Variants in HOXB3 observed in about 807,000 individuals in gnomAD.
HOXB3 encodes the protein homeobox protein Hox-B3.
Under a neutral mutation model 29.2 loss-of-function variants are expected in HOXB3, and 17 were observed. The observed-to-expected ratio is 0.58, with a 90% confidence interval of 0.40 to 0.87. The LOEUF (loss-of-function observed/expected upper bound fraction) is 0.87, where lower values mean the gene tolerates loss of function less well. Among genes scored for constraint, HOXB3 ranks in the 40% least tolerant of loss-of-function variants. The probability of loss-of-function intolerance (pLI) is 0.00; values close to 1 mark genes in which losing one functional copy is unlikely to be tolerated. For synonymous variants in HOXB3, 317 were observed against 285.9 expected (o/e 1.11, Z -1.10); for missense variants, 637 against 616.3 (o/e 1.03, Z -0.35).
intron 2 of HOXB3, among the ~76,000 whole-genome samples, chr17:48,562,063 C>T (rs1213806284): frequency 1.3e-5 from 2 of 152,188 alleles, no homozygotes; most frequent in Non-Finnish European, 2.9e-5. Flanking sequence ...CTGGCCCTCC[C>T]TTGCCCCATA....
In HOXB3 at chr17:48,554,484, A is replaced by G; in HGVS notation, c.-159+1047T>C. On this transcript the variant is annotated intron_variant, in intron 3 of 4. Coordinates refer to ENST00000498678, the MANE Select transcript of HOXB3 (RefSeq NM_001384749.1). This position sits in a 1 kb window ranked among gnomAD's most constrained non-coding sequence, Gnocchi z 4.1. ...AGTGTGGAAAGCGAAGGAGCCAGAGACGCGATAGGAAAGAATGGAGACTCC... is the reference window on the plus strand; with the variant it reads ...AGTGTGGAAAGCGAAGGAGCCAGAGGCGCGATAGGAAAGAATGGAGACTCC... The G allele has an allele frequency of 1.6e-6, 1 of 608,786 alleles. No homozygotes were observed. Among genetic ancestry groups the G allele is most frequent in the Non-Finnish European group, 2.9e-6 (1 of 341,762 alleles). 37.7% of individuals were successfully genotyped at this position (608,786 alleles called of 1,614,324 possible).
chr17:48,574,206 T>C (rs1381133012), intron 1 of HOXB3, 192 bp from the exon 2 acceptor site: 2 of 242,470 alleles, frequency 8.2e-6, no homozygotes, highest in African/African-American at 4.6e-5. Flanking sequence ...TTTGGTTCTT[T>C]AGAGACATTC....
chr17:48,578,149 G>T (rs752291944), intron 1 of HOXB3: 1 of 1,583,888 alleles, frequency 6.3e-7, no homozygotes, highest in South Asian at 1.1e-5. Flanking sequence ...TGCACGCCGC[G>T]CGCCGCCCGA....
chr17:48,562,340 C>T (rs2069227689), intron 2 of HOXB3, among the ~76,000 whole-genome samples: 1 of 151,958 alleles, frequency 6.6e-6, no homozygotes, highest in Middle Eastern at 3.2e-3. Context: ...CAGTTGGAGA[C>T]AAGCATTCCC....
At chr17:48,555,837 G>A (rs1436369839) in intron 2 of HOXB3, among the ~76,000 whole-genome samples, 1 of 152,174 alleles carries the variant, frequency 6.6e-6, no homozygotes, top group Non-Finnish European at 1.5e-5. Context: ...GAAAGGTGCC[G>A]GGCGGCTCAG....
chr17:48,577,066 C>A lies in HOXB3; in HGVS notation c.-424-3052G>T, dbSNP rs750126056. Reference sequence around the variant, plus strand: ...GGAGAAAGAGAAAGTTTTATTGCCCCCGAAAGAGAGAGTCCTTTCTTCCAG... The same window carrying A: ...GGAGAAAGAGAAAGTTTTATTGCCCACGAAAGAGAGAGTCCTTTCTTCCAG... On this transcript the variant is annotated intron_variant, in intron 1 of 4. Coordinates refer to ENST00000498678, the MANE Select transcript of HOXB3 (RefSeq NM_001384749.1). 3.3e-6 allele frequency: 5 copies of A among 1,504,940 alleles called. No homozygotes were observed. In the Admixed American group the frequency reaches 1.1e-4, roughly 32 times the overall value. The allele number at this position is 1,504,940 out of a possible 1,614,324, so 93.2% of individuals were successfully genotyped here. A position where few individuals can be genotyped will look rare whatever the true frequency, so the allele number is the denominator to read the frequency against.
At chr17:48,579,513 G>C (rs1396612414) in intron 1 of HOXB3, 2 of 152,678 alleles carry the variant, frequency 1.3e-5, no homozygotes, top group African/African-American at 4.8e-5. Flanking sequence ...GCACACTGAA[G>C]ACAAGTCATT....
At position 48,551,156 on chromosome 17, in the gene HOXB3, A is replaced by G. The variant is rs559346033; in HGVS notation, c.474T>C (p.Gly158=). The change falls in exon 5 of 5, where the codon GGT becomes GGC. Residue 158 remains glycine (G), a synonymous_variant. Coordinates refer to ENST00000498678, the MANE Select transcript of HOXB3 (RefSeq NM_001384749.1). ...GTAEGCGGGG[G]GGGGGGSGGS... is the part of the protein sequence containing the mutation. ...CACCACTGCCTCCGCCGCCGCCGCC[A>G]CCGCCGCCGCCACCACAGCCCTCTG... The G allele has an allele frequency of 0.01, 12,763 of 1,273,980 alleles. 60 individuals carry two copies. Among genetic ancestry groups the G allele is most frequent in the Admixed American group, 0.011 (356 of 31,048 alleles). The allele number at this position is 1,273,980 out of a possible 1,614,324, so 78.9% of individuals were successfully genotyped here.
intron 2 of HOXB3, among the ~76,000 whole-genome samples, chr17:48,570,145 G>A (rs544046587): frequency 5.3e-5 from 8 of 152,088 alleles, no homozygotes; most frequent in Admixed American, 1.3e-4. Context: ...TTAGCACCCC[G>A]AGCTTCCAAT....
chr17:48,563,938 C>G (rs1004277411), intron 2 of HOXB3, among the ~76,000 whole-genome samples: 56 of 151,750 alleles, frequency 3.7e-4, no homozygotes, highest in Non-Finnish European at 6.8e-4. Flanking sequence ...TGGGCCTCAA[C>G]GCCCTTTCTG....
rs1166702643 is a variant in HOXB3, at chr17:48,549,778, A to T, written c.*556T>A. ...TAGAGCAGAAAAACCGGGGGCTAGA[A>T]GTGTACCTCAATAAACCTCAAATGG... On this transcript the variant is annotated 3_prime_UTR_variant, in exon 5 of 5. Transcript: ENST00000498678. 1 of 158,936 alleles carries T rather than the reference A, an allele frequency of 6.3e-6. No individual in the cohort carries two copies. The highest frequency in any genetic ancestry group is 1.4e-5 in the Non-Finnish European group (1 of 71,510). The allele number at this position is 158,936 out of a possible 1,614,324, so 9.8% of individuals were successfully genotyped here.
chr17:48,587,923 GC>G (rs1342935612), intron 1 of HOXB3, among the ~76,000 whole-genome samples: 2 of 152,268 alleles, frequency 1.3e-5, no homozygotes, highest in African/African-American at 4.8e-5. Flanking sequence ...CCTGGGGCCT[GC>G]CCCAGGTTGA....
At chr17:48,584,921 G>A (rs138488005) in intron 1 of HOXB3, among the ~76,000 whole-genome samples, 4,715 of 90,828 alleles carry the variant, frequency 0.052, 156 homozygotes, top group East Asian at 0.28. Flanking sequence ...CTCCCCCACC[G>A]CCCCACCCCG....
chr17:48,587,503 G>C (rs989970447), intron 1 of HOXB3, among the ~76,000 whole-genome samples: 2 of 152,190 alleles, frequency 1.3e-5, no homozygotes, highest in African/African-American at 4.8e-5. Context: ...CTGAGTTTGG[G>C]GGGGTTGTGC....
Position 48,552,562 on chromosome 17 carries a change from A to T in HOXB3, c.-88T>A, listed in dbSNP as rs1375441568. On this transcript the variant is annotated 5_prime_UTR_variant, in exon 4 of 5. Transcript: ENST00000498678. Reference sequence around the variant, plus strand: ...CATTGGCAACCCTGGGGGTCACGTGACACGCCGGACCCCCCCCCCCCACCT... The same window carrying T: ...CATTGGCAACCCTGGGGGTCACGTGTCACGCCGGACCCCCCCCCCCCACCT... The T allele has an allele frequency of 2.3e-6, 2 of 851,218 alleles. No homozygotes were observed. The highest frequency in any genetic ancestry group is 3.4e-6 in the Non-Finnish European group (2 of 585,290). 52.7% of individuals were successfully genotyped at this position (851,218 alleles called of 1,614,324 possible). A position where few individuals can be genotyped will look rare whatever the true frequency, so the allele number is the denominator to read the frequency against.
chr17:48,583,246 C>G (rs1045593386), intron 1 of HOXB3, among the ~76,000 whole-genome samples: 1 of 152,192 alleles, frequency 6.6e-6, no homozygotes, highest in African/African-American at 2.4e-5. Context: ...ACATAACTTT[C>G]AGAGCTTTAA....
At chr17:48,578,296 G>T (rs757300409) in intron 1 of HOXB3, 17 of 1,609,064 alleles carry the variant, frequency 1.1e-5, no homozygotes, top group Non-Finnish European at 1.4e-5. Flanking sequence ...AGTTTGAGTT[G>T]ATCAAAAAAG....
chr17:48,566,389 G>A (rs1194585327), intron 2 of HOXB3, among the ~76,000 whole-genome samples: 2 of 151,794 alleles, frequency 1.3e-5, no homozygotes, highest in African/African-American at 4.8e-5. Context: ...GGAAGGGGAG[G>A]GGGTATCAGT....
At position 48,552,430 on chromosome 17, in the gene HOXB3, G is replaced by T; in HGVS notation, c.45C>A (p.Phe15Leu). Residue 15 changes from phenylalanine (F) to leucine (L), a missense_variant, in exon 4 of 5, where the codon TTC (phenylalanine) becomes TTA (leucine). Coordinates refer to ENST00000498678, the MANE Select transcript of HOXB3 (RefSeq NM_001384749.1). The part of the protein sequence containing the change: ...TYYDNAAAAL[F>L]GGYSSYPGSN... Reference sequence around the variant, plus strand: ...TGCCAGGGTACGAGGAATAGCCTCCGAAGAGAGCAGCCGCGGCGTTGTCGT... The same window carrying T: ...TGCCAGGGTACGAGGAATAGCCTCCTAAGAGAGCAGCCGCGGCGTTGTCGT... 1 of 1,602,262 alleles carries T rather than the reference G, an allele frequency of 6.2e-7. No individual in the cohort carries two copies. Among genetic ancestry groups the T allele is most frequent in the Non-Finnish European group, 8.5e-7 (1 of 1,172,444 alleles).
Sources: allele counts gnomAD v4.1 joint callset (sites outside exome capture counted in the v4.1 genomes callset), GRCh38; gene constraint gnomAD v4.1.1; non-coding constraint Gnocchi (gnomAD v3.1); transcripts MANE v1.5; gene names NCBI Gene and HGNC (gene_info 2026-07-23, HGNC 2026-07-21).